The following PDS5B variants were observed in gnomAD, a reference collection of about 807,000 sequenced individuals.
PDS5B encodes PDS5 cohesin associated factor B, also known as sister chromatid cohesion protein PDS5 homolog B.
Under a neutral mutation model 184.1 loss-of-function variants are expected in PDS5B, and 51 were observed. The observed-to-expected ratio is 0.28, with a 90% confidence interval of 0.22 to 0.35. The LOEUF is 0.35. PDS5B is among the 10% of genes least tolerant of loss of function. PDS5B has a pLI of 1.00. For synonymous variants in PDS5B, 566 were observed against 569.2 expected (o/e 0.99, Z 0.08); for missense variants, 1,180 against 1,723.3 (o/e 0.68, Z 5.58).
Position 32,700,456 on chromosome 13 carries a change from A to G in PDS5B, c.1740+587A>G, listed in dbSNP as rs189628116. Among the ~76,000 whole-genome samples, 11 of 152,252 alleles carry G rather than the reference A, an allele frequency of 7.2e-5. No homozygotes were observed. The South Asian group carries it at 8.3e-4, about 11-fold the overall frequency. On this transcript the variant is annotated intron_variant, in intron 16 of 34. Coordinates refer to ENST00000315596, the MANE Select transcript of PDS5B (RefSeq NM_015032.4). ...ACAAAACCCAAGTAAAAACAAAGAA[A>G]AACACAATTATTTTGATAGTATTTA...
chr13:32,594,440 AG>A (rs1216381222), intron 1 of PDS5B, among the ~76,000 whole-genome samples: 1 of 152,206 alleles, frequency 6.6e-6, no homozygotes, highest in Non-Finnish European at 1.5e-5. Context: ...TTCAAGTGGG[AG>A]GAAAGAGGCT....
At chr13:32,748,724 T>C (rs1016875059) in intron 24 of PDS5B, among the ~76,000 whole-genome samples, 2 of 152,020 alleles carry the variant, frequency 1.3e-5, no homozygotes. Context: ...ATGTAAGTGT[T>C]AAATATAGTA....
intron 1 of PDS5B, among the ~76,000 whole-genome samples, chr13:32,592,186 T>C (rs907016521): frequency 6.6e-6 from 1 of 152,220 alleles, no homozygotes; most frequent in Non-Finnish European, 1.5e-5. Flanking sequence ...TTCTCCTCTT[T>C]TCCTGTCAGG....
chr13:32,711,439 C>T (rs1391147346), intron 19 of PDS5B, among the ~76,000 whole-genome samples: 1 of 152,072 alleles, frequency 6.6e-6, no homozygotes, highest in Non-Finnish European at 1.5e-5. Flanking sequence ...CTCATTGCAG[C>T]TTCTGCCTCC....
intron 1 of PDS5B, among the ~76,000 whole-genome samples, chr13:32,642,203 C>T (rs1950114174): frequency 6.6e-6 from 1 of 152,120 alleles, no homozygotes; most frequent in African/African-American, 2.4e-5. Flanking sequence ...TCTAGCTCTA[C>T]TTTTTGCTGT....
intron 11 of PDS5B, among the ~76,000 whole-genome samples, chr13:32,685,005 C>T (rs969238417): frequency 2.6e-5 from 4 of 152,018 alleles, no homozygotes; most frequent in Non-Finnish European, 5.9e-5. Context: ...CCCAGCTACT[C>T]GGGAGGCTGA....
intron 19 of PDS5B, among the ~76,000 whole-genome samples, chr13:32,725,802 A>T (rs917622429): frequency 2.0e-5 from 3 of 152,208 alleles, no homozygotes; most frequent in Non-Finnish European, 2.9e-5. Flanking sequence ...TAGCAGTCTC[A>T]TGATAGCAGT....
At chr13:32,657,046 A>G (rs112544460) in intron 3 of PDS5B, among the ~76,000 whole-genome samples, 1,967 of 152,310 alleles carry the variant, frequency 0.013, 44 homozygotes, top group African/African-American at 0.045. Flanking sequence ...AGAAGAATGT[A>G]TATTCTGTTG....
intron 24 of PDS5B, among the ~76,000 whole-genome samples, chr13:32,750,476 A>C (rs1186697949): frequency 6.6e-6 from 1 of 152,052 alleles, no homozygotes; most frequent in Non-Finnish European, 1.5e-5. Flanking sequence ...TGTTTCGTGG[A>C]GTATGAGGGT....
chr13:32,667,849 G>A lies in PDS5B; in HGVS notation c.705+5G>A. 1 of 1,513,462 alleles carries A rather than the reference G, an allele frequency of 6.6e-7. No homozygotes were observed. The highest frequency in any genetic ancestry group is 8.9e-7 in the Non-Finnish European group (1 of 1,118,528). 93.8% of individuals were successfully genotyped at this position (1,513,462 alleles called of 1,614,324 possible). A position where few individuals can be genotyped will look rare whatever the true frequency, so the allele number is the denominator to read the frequency against. On this transcript the variant is annotated splice_donor_5th_base_variant and intron_variant, in intron 7 of 34. Coordinates refer to ENST00000315596, the MANE Select transcript of PDS5B (RefSeq NM_015032.4). ...ATTGAGCCATATATTACCAATGTAA[G>A]TCTTACTTGTAATTGGTTGTCAGAA...
chr13:32,592,977 A>C (rs936082185), intron 1 of PDS5B, among the ~76,000 whole-genome samples: 7 of 152,222 alleles, frequency 4.6e-5, no homozygotes, highest in African/African-American at 1.7e-4. Flanking sequence ...GATACAACTC[A>C]CATACCATAA....
chr13:32,588,040 A>G (rs2057717794), intron 1 of PDS5B, among the ~76,000 whole-genome samples: 1 of 152,216 alleles, frequency 6.6e-6, no homozygotes, highest in Non-Finnish European at 1.5e-5. Flanking sequence ...GTTCCCAGAC[A>G]GAACGTTTTT....
chr13:32,596,917 T>C (rs888131615), intron 1 of PDS5B, among the ~76,000 whole-genome samples: 2 of 152,194 alleles, frequency 1.3e-5, no homozygotes, highest in African/African-American at 4.8e-5. Context: ...AAGAGTATTT[T>C]CTCCTGTTTT....
intron 1 of PDS5B, among the ~76,000 whole-genome samples, chr13:32,608,444 G>T (rs2058094444): frequency 6.6e-6 from 1 of 152,134 alleles, no homozygotes; most frequent in African/African-American, 2.4e-5. Flanking sequence ...CAAAATTATT[G>T]TGTTTAAGAG....
At chr13:32,607,223 C>T (rs571307105) in intron 1 of PDS5B, among the ~76,000 whole-genome samples, 58 of 152,282 alleles carry the variant, frequency 3.8e-4, no homozygotes, top group African/African-American at 1.3e-3. Context: ...ATGATGGTGA[C>T]GTACAGATGG....
intron 1 of PDS5B, among the ~76,000 whole-genome samples, chr13:32,622,893 G>A (rs1346251391): frequency 2.0e-5 from 3 of 152,218 alleles, no homozygotes; most frequent in Admixed American, 6.5e-5. Context: ...GAGGCAACAG[G>A]TATTGCAGCA....
intron 1 of PDS5B, among the ~76,000 whole-genome samples, chr13:32,617,644 T>A (rs761078888): frequency 5.3e-5 from 8 of 152,352 alleles, no homozygotes; most frequent in African/African-American, 1.4e-4. Flanking sequence ...CTTGCTGTTA[T>A]CTGGCTTAAT....
At chr13:32,746,618 C>T (rs1022931664) in intron 24 of PDS5B, among the ~76,000 whole-genome samples, 4 of 152,182 alleles carry the variant, frequency 2.6e-5, no homozygotes, top group Admixed American at 1.3e-4. Context: ...AGCAGTTCAT[C>T]GCTATGCTTG....
chr13:32,710,074 C>T lies in PDS5B; in HGVS notation c.2091C>T (p.Ser697=), dbSNP rs1952157073. 1.8e-5 allele frequency: 27 copies of T among 1,527,016 alleles called. No individual in the cohort carries two copies. Among genetic ancestry groups the T allele is most frequent in the Non-Finnish European group, 2.4e-5 (27 of 1,124,784 alleles). The allele number at this position is 1,527,016 out of a possible 1,614,324, so 94.6% of individuals were successfully genotyped here. A position where few individuals can be genotyped will look rare whatever the true frequency, so the allele number is the denominator to read the frequency against. The change falls in exon 19 of 35, where the codon AGC becomes AGT. Residue 697 remains serine (S), a synonymous_variant. Transcript: ENST00000315596. ...TACAAATTTTCAAAAACACAGGAAG[C>T]AAAATTGAAGAGGATTTTCCACACA... ...AALQIFKNTG[S]KIEEDFPHIR... is the part of the protein sequence containing the mutation.
Sources: allele counts gnomAD v4.1 joint callset (sites outside exome capture counted in the v4.1 genomes callset), GRCh38; gene constraint gnomAD v4.1.1; transcripts MANE v1.5; gene names NCBI Gene and HGNC (gene_info 2026-07-23, HGNC 2026-07-21).